LCORL: variants seen among roughly 807,000 people sequenced by gnomAD.
The protein encoded by LCORL is ligand-dependent nuclear receptor corepressor-like protein.
LCORL carries 41 observed loss-of-function variants against 141.8 expected under a neutral mutation model. The ratio of observed to expected loss-of-function variants is 0.29; its 90% confidence interval spans 0.23 to 0.38. LCORL has a LOEUF of 0.38. Among genes scored for constraint, LCORL ranks in the 10% least tolerant of loss-of-function variants. The pLI is 1.00. For missense variants in LCORL, 1,759 were observed against 2,035.0 expected (o/e 0.86, Z 2.61); for synonymous variants, 618 against 694.1 (o/e 0.89, Z 1.72).
chr4:18,014,467 C>A (rs1009973502), intron 1 of LCORL, among the ~76,000 whole-genome samples: 1 of 151,954 alleles, frequency 6.6e-6, no homozygotes, highest in African/African-American at 2.4e-5. Flanking sequence ...CTGGATCTGT[C>A]CTAATGCTTA....
intron 1 of LCORL, among the ~76,000 whole-genome samples, chr4:18,006,181 G>C (rs1722775171): frequency 6.6e-6 from 1 of 152,110 alleles, no homozygotes; most frequent in South Asian, 2.1e-4. Flanking sequence ...CTGTATAGCA[G>C]GGGCAAAATG....
chr4:17,931,340 T>A (rs1176810548), intron 4 of LCORL, among the ~76,000 whole-genome samples: 3 of 152,140 alleles, frequency 2.0e-5, no homozygotes, highest in Non-Finnish European at 4.4e-5. Flanking sequence ...TTTGCTTTAA[T>A]CTTTATTATT....
At chr4:18,012,010 A>C (rs943272852) in intron 1 of LCORL, among the ~76,000 whole-genome samples, 1 of 152,230 alleles carries the variant, frequency 6.6e-6, no homozygotes, top group Non-Finnish European at 1.5e-5. Flanking sequence ...ACTCCTGTGT[A>C]AACAGTAAGC....
chr4:17,950,861 CAGG>C (rs767316617), intron 4 of LCORL, among the ~76,000 whole-genome samples: 2 of 151,984 alleles, frequency 1.3e-5, no homozygotes, highest in Non-Finnish European at 1.5e-5. Flanking sequence ...TTGATCATGA[CAGG>C]AGAAGACTCA....
At chr4:17,883,528 C>A (rs1447746286) in intron 6 of LCORL, 12 of 1,322,270 alleles carry the variant, frequency 9.1e-6, no homozygotes, top group South Asian at 5.2e-5. Flanking sequence ...ACAGTGAAAA[C>A]CCTGAATAAA....
intron 1 of LCORL, among the ~76,000 whole-genome samples, chr4:17,998,985 A>AATATATATAT (rs1274746631): frequency 1.7e-5 from 1 of 57,890 alleles, no homozygotes; most frequent in South Asian, 7.5e-4. Context: ...AAAAAAAAAA[A>AATATATATAT]ATATATATAT....
At chr4:17,865,128 C>T (rs988001450) in intron 7 of LCORL, among the ~76,000 whole-genome samples, 4 of 152,138 alleles carry the variant, frequency 2.6e-5, no homozygotes, top group African/African-American at 9.7e-5. Flanking sequence ...AAATCTTGAA[C>T]AGCACTAGCA....
rs184635108 is a variant in LCORL, at chr4:17,969,892, G to A, written c.220+2928C>T. On this transcript the variant is annotated intron_variant, in intron 2 of 7. Coordinates refer to ENST00000635767, the Ensembl canonical transcript of LCORL. Reference sequence around the variant, plus strand: ...CATAAGAATAATAAAACACTGGAATGGGTACATTTTGGAGTCTCCACCCTT... The same window carrying A: ...CATAAGAATAATAAAACACTGGAATAGGTACATTTTGGAGTCTCCACCCTT... 2.2e-4 allele frequency among the ~76,000 whole-genome samples: 34 copies of A among 152,276 alleles called. 1 individual carries two copies. The highest frequency in any genetic ancestry group is 3.4e-3 in the Middle Eastern group (1 of 294).
rs542807313 is a variant in LCORL at position 17,901,046 on chromosome 4, G to A, written c.682+8048C>T. ...TGCCTTGTTGGATTGCCGGAATGTA[G>A]ACAGAAATGTATTGTTCTTTTTTTT... On this transcript the variant is annotated intron_variant, in intron 5 of 7. Transcript: ENST00000635767. Among the ~76,000 whole-genome samples the A allele has an allele frequency of 2.9e-4, 44 of 152,032 alleles. 1 individual carries two copies. Among genetic ancestry groups the A allele is most frequent in the Admixed American group, 1.4e-3 (21 of 15,266 alleles).
intron 6 of LCORL, among the ~76,000 whole-genome samples, chr4:17,879,328 G>A (rs1727266082): frequency 6.6e-6 from 1 of 150,858 alleles, no homozygotes; most frequent in South Asian, 2.1e-4. Context: ...TGTTATTTGA[G>A]TAGCAAAAAT....
chr4:17,873,193 T>C lies in LCORL; in HGVS notation c.5602+195A>G, dbSNP rs149935423. The stretch of plus-strand genomic sequence containing the variant: ...TTATTTGTGTGAAATCCTGGACATA[T>C]TAAGAGGTGGGGAAGCGCACTGGTA... On this transcript the variant is annotated intron_variant, in intron 7 of 7. Coordinates refer to ENST00000635767, the Ensembl canonical transcript of LCORL. Among the ~76,000 whole-genome samples, 901 of 152,206 alleles carry C rather than the reference T, an allele frequency of 5.9e-3. 9 individuals carry two copies. Among genetic ancestry groups the C allele is most frequent in the African/African-American group, 0.021 (864 of 41,538 alleles).
chr4:17,850,946 C>T (rs1322871619), intron 7 of LCORL, among the ~76,000 whole-genome samples: 3 of 149,130 alleles, frequency 2.0e-5, no homozygotes, highest in Non-Finnish European at 3.0e-5. Context: ...TACTATGCAG[C>T]CATAAAAAAT....
At chr4:18,009,988 A>AAGGGAGG (rs1308581242) in intron 1 of LCORL, among the ~76,000 whole-genome samples, 3 of 152,180 alleles carry the variant, frequency 2.0e-5, no homozygotes, top group Non-Finnish European at 2.9e-5. Flanking sequence ...GCTGTTCAGA[A>AAGGGAGG]AGGGAGGAGG....
At chr4:17,987,619 A>G (rs954053776) in intron 1 of LCORL, among the ~76,000 whole-genome samples, 1 of 152,176 alleles carries the variant, frequency 6.6e-6, no homozygotes, top group African/African-American at 2.4e-5. Context: ...AAAACTGACA[A>G]ACTGCTTCCC....
intron 5 of LCORL, among the ~76,000 whole-genome samples, chr4:17,895,753 C>A (rs903154716): frequency 1.3e-5 from 2 of 152,248 alleles, no homozygotes; most frequent in South Asian, 4.2e-4. Context: ...ACTTTCTATG[C>A]CTATGGATTT....
At chr4:17,921,325 A>C (rs1345075265) in intron 4 of LCORL, among the ~76,000 whole-genome samples, 1 of 152,066 alleles carries the variant, frequency 6.6e-6, no homozygotes, top group Non-Finnish European at 1.5e-5. Flanking sequence ...CACCGCACCC[A>C]ACCGAATCAG....
intron 6 of LCORL, chr4:17,880,288 A>G (rs10489043): frequency 0.025 from 6,744 of 267,760 alleles, 473 homozygotes; most frequent in African/African-American, 0.15. Flanking sequence ...GCATGTTAGG[A>G]TCTTAAAGAA....
At chr4:17,869,796 G>C (rs1726116198) in intron 7 of LCORL, among the ~76,000 whole-genome samples, 1 of 151,942 alleles carries the variant, frequency 6.6e-6, no homozygotes, top group Admixed American at 6.6e-5. Flanking sequence ...ATCCTTTCTT[G>C]GATATCCCAC....
At chr4:17,939,893 C>CACACACACACACACACAT (rs1553873776) in intron 4 of LCORL, among the ~76,000 whole-genome samples, 2 of 150,114 alleles carry the variant, frequency 1.3e-5, no homozygotes, top group African/African-American at 4.9e-5. Flanking sequence ...CACACACACA[C>CACACACACACACACACAT]ATATATGTAT....
Sources: gnomAD v4.1 joint callset for allele counts (sites outside exome capture counted in the v4.1 genomes callset) on GRCh38, gnomAD v4.1.1 for gene constraint, MANE v1.5 for transcripts, NCBI Gene and HGNC (gene_info 2026-07-23, HGNC 2026-07-21) for gene names.